Variants in EML1 observed in about 807,000 individuals in gnomAD.
EML1 encodes EMAP like 1.
A neutral mutation model predicts 110.4 loss-of-function variants in EML1; 27 were observed. The ratio of observed to expected loss-of-function variants is 0.24; its 90% CI spans 0.18 to 0.34. The LOEUF (loss-of-function observed/expected upper bound fraction) is 0.34, where lower values mean the gene tolerates loss of function less well. EML1 is among the 10% of genes least tolerant of loss of function. EML1 has a pLI of 1.00. For missense variants in EML1, 741 were observed against 1,030.9 expected (o/e 0.72, Z 3.85); for synonymous variants, 344 against 385.8 (o/e 0.89, Z 1.27).
intron 1 of EML1, among the ~76,000 whole-genome samples, chr14:99,760,090 A>C (rs1479085989): frequency 1.5e-5 from 2 of 137,912 alleles, no homozygotes; most frequent in African/African-American, 5.6e-5. Flanking sequence ...TCTCAAAAAA[A>C]AAAAAAAAAA....
At chr14:99,927,814 G>A (rs1229602699) in intron 17 of EML1, among the ~76,000 whole-genome samples, 1 of 51,752 alleles carries the variant, frequency 1.9e-5, no homozygotes, top group Admixed American at 2.0e-4. Flanking sequence ...GGGGGTGGGG[G>A]GGTGGTGGTG....
intron 3 of EML1, chr14:99,874,975 G>T: frequency 6.2e-7 from 1 of 1,613,642 alleles, no homozygotes; most frequent in South Asian, 1.1e-5. Flanking sequence ...AAACTGAATA[G>T]ATCGACACCA....
chr14:99,892,301 G>A, intron 5 of EML1: 1 of 738,186 alleles, frequency 1.4e-6, no homozygotes, highest in South Asian at 6.1e-5. Flanking sequence ...GTATGAAAAT[G>A]TTTTTGTGTT....
chr14:99,897,989 C>T (rs1220654341), intron 7 of EML1, among the ~76,000 whole-genome samples: 1 of 152,104 alleles, frequency 6.6e-6, no homozygotes, highest in Non-Finnish European at 1.5e-5. Flanking sequence ...ATGGTATTTT[C>T]CCAGCAGAGG....
intron 1 of EML1, among the ~76,000 whole-genome samples, chr14:99,777,010 C>T (rs2057489733): frequency 6.6e-6 from 1 of 152,132 alleles, no homozygotes; most frequent in East Asian, 1.9e-4. Flanking sequence ...CAGCTTTAAC[C>T]TCCTTGAAGT....
intron 1 of EML1, among the ~76,000 whole-genome samples, chr14:99,818,534 G>T (rs1294938848): frequency 6.6e-6 from 1 of 152,172 alleles, no homozygotes; most frequent in Non-Finnish European, 1.5e-5. Context: ...GAGGTGAGGG[G>T]TGTGGGAAGA....
At chr14:99,760,083 CAAAAAAAAAA>C (rs61619098) in intron 1 of EML1, among the ~76,000 whole-genome samples, 10 of 47,146 alleles carry the variant, frequency 2.1e-4, no homozygotes, top group Middle Eastern at 0.019. Context: ...GACTCCCTCT[CAAAAAAAAAA>C]AAAAAAAAAA....
At chr14:99,903,876 C>T (rs1225175125) in intron 9 of EML1, among the ~76,000 whole-genome samples, 5 of 151,602 alleles carry the variant, frequency 3.3e-5, no homozygotes, top group Admixed American at 1.3e-4. Context: ...CTCCACCTCC[C>T]GGGTTCAAGC....
At chr14:99,887,827 G>A (rs2059508404) in intron 4 of EML1, among the ~76,000 whole-genome samples, 1 of 152,174 alleles carries the variant, frequency 6.6e-6, no homozygotes, top group African/African-American at 2.4e-5. Flanking sequence ...AGGCCACGGT[G>A]GCTTCAATGT....
chr14:99,851,073 G>C (rs1198988513), intron 2 of EML1, 38 bp downstream of exon 2: 3 of 1,582,738 alleles, frequency 1.9e-6, no homozygotes, highest in Non-Finnish European at 2.6e-6. Context: ...CAGTAGAATT[G>C]GTCTCGTGGC....
chr14:99,928,495 G>A (rs796869056), intron 17 of EML1, among the ~76,000 whole-genome samples: 22 of 152,110 alleles, frequency 1.4e-4, no homozygotes, highest in African/African-American at 5.1e-4. Context: ...CACAATATGG[G>A]TGTTAGGAGT....
intron 1 of EML1, among the ~76,000 whole-genome samples, chr14:99,787,226 G>T: frequency 1.3e-5 from 2 of 150,192 alleles, no homozygotes; most frequent in African/African-American, 2.4e-5. Context: ...AGTAGTGAAT[G>T]GTGCTGCATC....
chr14:99,779,984 C>G (rs1880766161), intron 1 of EML1, among the ~76,000 whole-genome samples: 1 of 152,210 alleles, frequency 6.6e-6, no homozygotes, highest in Non-Finnish European at 1.5e-5. Context: ...TTATTCCTCA[C>G]TATTCTGGAG....
rs1041847398 is a variant in EML1 at position 99,800,099 on chromosome 14, G to A, written c.67+6556G>A. ...GCATTACTAATTACAAACAAAAAGT[G>A]TGCTGTAAACTCTAAAAGCTGTATA... On this transcript the variant is annotated intron_variant, in intron 1 of 21. Coordinates refer to ENST00000262233, the MANE Select transcript of EML1 (RefSeq NM_004434.3). 2.0e-5 allele frequency among the ~76,000 whole-genome samples: 3 copies of A among 152,150 alleles called. No homozygotes were observed. The South Asian group carries it at 6.2e-4, about 32-fold the overall frequency.
chr14:99,791,469 C>T (rs2057670828), upstream of EML1, among the ~76,000 whole-genome samples: 1 of 152,240 alleles, frequency 6.6e-6, no homozygotes, highest in African/African-American at 2.4e-5. Flanking sequence ...GTCCGATTTT[C>T]TATTCTCTTC....
chr14:99,888,769 G>A (rs2059528225), intron 4 of EML1, among the ~76,000 whole-genome samples: 1 of 152,214 alleles, frequency 6.6e-6, no homozygotes, highest in African/African-American at 2.4e-5. Context: ...CATCTGAGGA[G>A]GGACAGGCCC....
chr14:99,932,259 A>G (rs2060384070), intron 17 of EML1, among the ~76,000 whole-genome samples: 1 of 152,226 alleles, frequency 6.6e-6, no homozygotes, highest in Admixed American at 6.5e-5. Flanking sequence ...AATAGGAAAA[A>G]GGAATTACAA....
chr14:99,935,693 G>A (rs1012373580), intron 17 of EML1, among the ~76,000 whole-genome samples: 1 of 144,960 alleles, frequency 6.9e-6, no homozygotes, highest in Admixed American at 7.2e-5. Context: ...TGAGGCAGGA[G>A]AATGGCGTGA....
intron 1 of EML1, among the ~76,000 whole-genome samples, chr14:99,833,429 G>C (rs1426897100): frequency 6.6e-6 from 1 of 152,150 alleles, no homozygotes; most frequent in African/African-American, 2.4e-5. Flanking sequence ...AAGTCTTTCA[G>C]CTTTGCTCTT....
Sources: gnomAD v4.1 joint callset for allele counts (sites outside exome capture counted in the v4.1 genomes callset) on GRCh38, gnomAD v4.1.1 for gene constraint, MANE v1.5 for transcripts, NCBI Gene and HGNC (gene_info 2026-07-23, HGNC 2026-07-21) for gene names.